The following ATF7IP variants were observed in gnomAD, a reference collection of about 807,000 sequenced individuals.
ATF7IP encodes activating transcription factor 7 interacting protein, also known as activating transcription factor 7-interacting protein 1.
A neutral mutation model predicts 106.4 loss-of-function variants in ATF7IP; 23 were observed. The ratio of observed to expected loss-of-function variants is 0.22; its 90% CI spans 0.16 to 0.31. The LOEUF (loss-of-function observed/expected upper bound fraction) is 0.31, where lower values mean the gene tolerates loss of function less well. ATF7IP is among the 10% of genes least tolerant of loss of function. ATF7IP has a pLI of 1.00. For synonymous variants in ATF7IP, 542 were observed against 539.0 expected, an observed-to-expected ratio of 1.01 and a Z score of -0.08; for missense variants, 1,334 against 1,524.3, an observed-to-expected ratio of 0.88 and a Z score of 2.08.
intron 1 of ATF7IP, among the ~76,000 whole-genome samples, chr12:14,380,696 C>T (rs1938968480): frequency 6.6e-6 from 1 of 152,232 alleles, no homozygotes; most frequent in East Asian, 1.9e-4. Flanking sequence ...TCTTGGCTCA[C>T]TGCAACCTCT....
intron 1 of ATF7IP, among the ~76,000 whole-genome samples, chr12:14,368,480 T>G (rs1423112673): frequency 6.6e-6 from 1 of 152,144 alleles, no homozygotes; most frequent in Non-Finnish European, 1.5e-5. Context: ...ATTTTTTGTT[T>G]CCTGTTTTGC....
chr12:14,417,230 G>A, intron 1 of ATF7IP, among the ~76,000 whole-genome samples: 1 of 152,178 alleles, frequency 6.6e-6, no homozygotes, highest in East Asian at 1.9e-4. Context: ...TTTGTAACTT[G>A]CTGCGAAAGG....
At chr12:14,482,086 CTCT>C (rs1042164757) in intron 13 of ATF7IP, 6 of 152,196 alleles carry the variant, frequency 3.9e-5, no homozygotes, top group African/African-American at 1.4e-4. Flanking sequence ...TACGTATGAA[CTCT>C]TCATCAGGTT....
Position 14,460,534 on chromosome 12 carries a change from G to A in ATF7IP, c.2198G>A (p.Ser733Asn), listed in dbSNP as rs908059540. 6.2e-7 allele frequency: 1 copy of A among 1,614,086 alleles called. No individual in the cohort carries two copies. Among genetic ancestry groups the A allele is most frequent in the Admixed American group, 1.7e-5 (1 of 60,014 alleles). Reference protein sequence around the residue: ...TNLVTPPAVVSSQPKLQTPVT... With the variant: ...TNLVTPPAVVNSQPKLQTPVT... ...CTTGTCACTCCTCCAGCAGTTGTCAGTAGTCAACCTAAATTGCAGACTCCA... is the reference window on the plus strand; with the variant it reads ...CTTGTCACTCCTCCAGCAGTTGTCAATAGTCAACCTAAATTGCAGACTCCA... The change falls in exon 9 of 15, where the codon AGT becomes AAT. Residue 733 changes from serine (S) to asparagine (N), a missense_variant. Around this residue, in one of 10 missense-constraint regions of ATF7IP, gnomAD observed 171 missense variants for 172.6 expected, o/e 0.99. Transcript: ENST00000261168.
At chr12:14,396,898 C>T (rs995885084) in intron 1 of ATF7IP, among the ~76,000 whole-genome samples, 7 of 152,116 alleles carry the variant, frequency 4.6e-5, no homozygotes, top group African/African-American at 1.4e-4. Context: ...TGGTGGCTCA[C>T]GCCTGTAATC....
chr12:14,407,603 G>A (rs1217921659), intron 1 of ATF7IP, among the ~76,000 whole-genome samples: 3 of 152,004 alleles, frequency 2.0e-5, no homozygotes, highest in Non-Finnish European at 4.4e-5. Context: ...CTGTTATCTG[G>A]GTAAAGGAGT....
At chr12:14,433,282 G>C (rs992192767) in intron 2 of ATF7IP, among the ~76,000 whole-genome samples, 1 of 152,062 alleles carries the variant, frequency 6.6e-6, no homozygotes, top group Non-Finnish European at 1.5e-5. Flanking sequence ...TGAGGGGGGT[G>C]GATCACGAGG....
At chr12:14,397,523 C>T (rs1939916726) in intron 1 of ATF7IP, among the ~76,000 whole-genome samples, 1 of 152,036 alleles carries the variant, frequency 6.6e-6, no homozygotes, top group South Asian at 2.1e-4. Context: ...TCAGTTTCTT[C>T]TTTTATTGGG....
intron 1 of ATF7IP, among the ~76,000 whole-genome samples, chr12:14,381,866 A>AG (rs1477472393): frequency 5.2e-4 from 3 of 5,770 alleles, no homozygotes; most frequent in Non-Finnish European, 6.6e-4. Context: ...AATTAATTCT[A>AG]GTTTTTTTTT....
At chr12:14,367,117 T>C (rs1464137314) in intron 1 of ATF7IP, among the ~76,000 whole-genome samples, 1 of 152,204 alleles carries the variant, frequency 6.6e-6, no homozygotes, top group Non-Finnish European at 1.5e-5. Context: ...TTCCATAGAC[T>C]TCATTTGTGG....
intron 1 of ATF7IP, among the ~76,000 whole-genome samples, chr12:14,377,639 A>T (rs1378827002): frequency 6.9e-6 from 1 of 144,990 alleles, no homozygotes; most frequent in African/African-American, 2.6e-5. Context: ...TTTTTGACAG[A>T]GTCTCGCTCT....
At chr12:14,456,702 G>T in intron 7 of ATF7IP, 68 bp downstream of exon 7, 1 of 1,120,258 alleles carries the variant, frequency 8.9e-7, no homozygotes, top group Non-Finnish European at 1.3e-6. Flanking sequence ...TTTGGTCAAA[G>T]AATCTTGCAG....
At chr12:14,458,586 C>A (rs990260801) in intron 8 of ATF7IP, among the ~76,000 whole-genome samples, 4 of 152,110 alleles carry the variant, frequency 2.6e-5, no homozygotes, top group African/African-American at 9.7e-5. Context: ...CTTTGGGAGG[C>A]CCGAGGCAGG....
chr12:14,418,926 A>C (rs1941349026), intron 1 of ATF7IP, among the ~76,000 whole-genome samples: 1 of 152,140 alleles, frequency 6.6e-6, no homozygotes, highest in Non-Finnish European at 1.5e-5. Context: ...GCAATTTAAT[A>C]TTAACTGTGA....
chr12:14,474,798 AAGTT>A (rs1407887784), intron 10 of ATF7IP, among the ~76,000 whole-genome samples: 3 of 152,104 alleles, frequency 2.0e-5, no homozygotes, highest in Non-Finnish European at 4.4e-5. Context: ...TTTTCGTCCT[AAGTT>A]AGTTCCACTT....
At chr12:14,374,390 A>G (rs1001733313) in intron 1 of ATF7IP, among the ~76,000 whole-genome samples, 6 of 150,062 alleles carry the variant, frequency 4.0e-5, no homozygotes, top group Middle Eastern at 3.4e-3. Flanking sequence ...TTGGGATTAC[A>G]GGTGTGAGCC....
In ATF7IP at chr12:14,438,264, A is replaced by G; in HGVS notation, c.1926A>G (p.Leu642=). Residue 642 remains leucine, a synonymous_variant, in exon 5 of 15, where the codon CTA becomes CTG. Transcript: ENST00000261168. ...NKRHKTVLTE[L]QAKIARLTKR... ...GGCATAAAACAGTTCTCACTGAACT[A>G]CAGGTTTGTACATTGACTTGAGTTG... The G allele has an allele frequency of 6.2e-7, 1 of 1,611,368 alleles. No homozygotes were observed. The highest frequency in any genetic ancestry group is 1.1e-5 in the South Asian group (1 of 90,902).
At chr12:14,388,077 T>G (rs10845991) in intron 1 of ATF7IP, among the ~76,000 whole-genome samples, 79,910 of 147,268 alleles carry the variant, frequency 0.54, 22,327 homozygotes, top group African/African-American at 0.66. Context: ...GCGATGATGC[T>G]TCCTCGGCTC....
chr12:14,434,831 A>G (rs1176487112), intron 3 of ATF7IP, among the ~76,000 whole-genome samples: 1 of 152,164 alleles, frequency 6.6e-6, no homozygotes, highest in East Asian at 1.9e-4. Context: ...CACCCCTGTA[A>G]TGCCAGCACT....
Sources: allele counts gnomAD v4.1 joint callset (sites outside exome capture counted in the v4.1 genomes callset), GRCh38; gene constraint gnomAD v4.1.1; regional missense constraint gnomAD v4.1.1; transcripts MANE v1.5; gene names NCBI Gene and HGNC (gene_info 2026-07-23, HGNC 2026-07-21).